LRCH3: variants seen among roughly 807,000 people sequenced by gnomAD.
LRCH3 encodes DISP complex protein LRCH3.
Under a neutral mutation model 104.5 loss-of-function variants are expected in LRCH3, and 68 were observed. The ratio of observed to expected loss-of-function variants is 0.65; its 90% CI spans 0.54 to 0.80. LRCH3 has a LOEUF of 0.80. LRCH3 is among the 30% of genes least tolerant of loss of function. The pLI, the probability that LRCH3 is intolerant of heterozygous loss-of-function variation, is 0.00. For synonymous variants in LRCH3, 344 were observed against 361.3 expected (o/e 0.95, Z 0.54); for missense variants, 951 against 953.9 (o/e 1.00, Z 0.04).
chr3:197,827,280 G>A (rs539020402), intron 5 of LRCH3, among the ~76,000 whole-genome samples: 3 of 151,856 alleles, frequency 2.0e-5, no homozygotes, highest in Admixed American at 1.3e-4. Flanking sequence ...AAACCATAGT[G>A]GAAGCATCAG....
Position 197,830,797 on chromosome 3 carries a change from T to A in LRCH3, c.915T>A (p.Pro305=). ...ATGAAGAACTGTACTCAAGTCGCCC[T>A]TATGGAGCCCTTGATTCAGGCTTCA... The part of the protein sequence containing the change: ...SCHEELYSSR[P]YGALDSGFNS... The change falls in exon 7 of 21, where the codon CCT becomes CCA. Residue 305 remains proline (P), a synonymous_variant. Transcript: ENST00000425562. 1 of 1,614,020 alleles carries A rather than the reference T, an allele frequency of 6.2e-7. No homozygotes were observed. Among genetic ancestry groups the A allele is most frequent in the Non-Finnish European group, 8.5e-7 (1 of 1,179,904 alleles).
chr3:197,850,953 A>T, intron 12 of LRCH3: 1 of 791,352 alleles, frequency 1.3e-6, no homozygotes, highest in Non-Finnish European at 2.3e-6. Context: ...ATAGCGAACC[A>T]TTTTTCACAG....
chr3:197,825,655 A>G (rs1329635438), intron 4 of LRCH3, among the ~76,000 whole-genome samples: 2 of 150,108 alleles, frequency 1.3e-5, no homozygotes, highest in Admixed American at 6.6e-5. Flanking sequence ...AATTTTTTGT[A>G]TTTTTAGTAG....
intron 20 of LRCH3, among the ~76,000 whole-genome samples, chr3:197,876,765 A>G (rs925506770): frequency 1.3e-5 from 2 of 152,046 alleles, no homozygotes; most frequent in Non-Finnish European, 2.9e-5. Flanking sequence ...CAGCTCCACC[A>G]TTGCTCTCAG....
intron 1 of LRCH3, among the ~76,000 whole-genome samples, chr3:197,813,180 C>G (rs1009402766): frequency 6.6e-6 from 1 of 152,154 alleles, no homozygotes; most frequent in African/African-American, 2.4e-5. Context: ...ATAATCACAT[C>G]AGGGTAAATG....
At chr3:197,803,737 T>C (rs1017825947) in intron 1 of LRCH3, among the ~76,000 whole-genome samples, 2 of 152,188 alleles carry the variant, frequency 1.3e-5, no homozygotes, top group Non-Finnish European at 2.9e-5. Context: ...TCTGGTTCTA[T>C]GGCATGCCAT....
intron 12 of LRCH3, chr3:197,850,905 G>C: frequency 1.2e-6 from 1 of 842,358 alleles, no homozygotes; most frequent in South Asian, 1.3e-5. Flanking sequence ...GGAACCTCTT[G>C]ATTTGCATGA....
chr3:197,840,174 A>G lies in LRCH3; in HGVS notation c.1328+777A>G, dbSNP rs183676402. Among the ~76,000 whole-genome samples the G allele has an allele frequency of 1.3e-4, 20 of 152,222 alleles. 1 individual carries two copies. Among genetic ancestry groups the G allele is most frequent in the Admixed American group, 1.3e-3 (20 of 15,288 alleles). On this transcript the variant is annotated intron_variant, in intron 10 of 20. Coordinates refer to ENST00000425562, the MANE Select transcript of LRCH3 (RefSeq NM_001365715.1). The stretch of plus-strand genomic sequence containing the variant: ...AAAATTAGGCCCTGTGCGGTGGCTC[A>G]TATCTGTAATGCCAGCACTTTGGGA...
intron 1 of LRCH3, among the ~76,000 whole-genome samples, chr3:197,808,889 G>A (rs776998877): frequency 1.5e-4 from 16 of 109,678 alleles, no homozygotes; most frequent in Non-Finnish European, 3.0e-4. Context: ...GGGTGACAGT[G>A]AGACTGTCTC....
chr3:197,861,975 A>G (rs994049970), intron 15 of LRCH3, among the ~76,000 whole-genome samples: 2 of 152,010 alleles, frequency 1.3e-5, no homozygotes, highest in Non-Finnish European at 2.9e-5. Flanking sequence ...CCAGTAGTAT[A>G]TTATCTGTTG....
intron 17 of LRCH3, among the ~76,000 whole-genome samples, chr3:197,866,747 ACT>A (rs767139404): frequency 1.2e-4 from 19 of 152,164 alleles, no homozygotes; most frequent in Non-Finnish European, 2.8e-4. Context: ...TGAGCCCAGG[ACT>A]TCAGGGTTAC....
At chr3:197,858,752 T>A in intron 14 of LRCH3, 82 bp from the exon 15 acceptor site, 1 of 1,106,482 alleles carries the variant, frequency 9.0e-7, no homozygotes, top group Non-Finnish European at 1.4e-6. Flanking sequence ...CTTTTCTCAT[T>A]TCACTAGTCA....
intron 5 of LRCH3, among the ~76,000 whole-genome samples, chr3:197,828,210 A>G (rs961327644): frequency 1.3e-5 from 2 of 152,154 alleles, no homozygotes; most frequent in Non-Finnish European, 2.9e-5. Context: ...CCTACTTTAG[A>G]CAGTTTGGTC....
intron 1 of LRCH3, among the ~76,000 whole-genome samples, chr3:197,801,003 GA>G (rs1731826347): frequency 6.6e-6 from 1 of 151,730 alleles, no homozygotes; most frequent in Non-Finnish European, 1.5e-5. Context: ...GCTGAGGCAG[GA>G]GAATCGCTTG....
intron 1 of LRCH3, among the ~76,000 whole-genome samples, chr3:197,797,099 G>A (rs1341167345): frequency 6.6e-6 from 1 of 151,298 alleles, no homozygotes; most frequent in Non-Finnish European, 1.5e-5. Context: ...GGGCCGAGGC[G>A]GGCAGATCAC....
chr3:197,850,818 T>A, intron 12 of LRCH3: 2 of 1,138,012 alleles, frequency 1.8e-6, no homozygotes, highest in Non-Finnish European at 2.7e-6. Context: ...TTTCAGATAC[T>A]TCGTGGCTTT....
Position 197,835,496 on chromosome 3 carries a change from G to GT in LRCH3, c.1103-177dup, listed in dbSNP as rs764657863. The stretch of plus-strand genomic sequence containing the variant: ...GCCACCAACCTTGGACATAAAATGG[G>GT]TAAAAAAAAAAAAAAAAAAAAAGAC... On this transcript the variant is annotated intron_variant, in intron 8 of 20. Transcript: ENST00000425562. 1.6e-3 allele frequency among the ~76,000 whole-genome samples: 91 copies of GT among 57,286 alleles called. 2 individuals carry two copies. The highest frequency in any genetic ancestry group is 2.0e-3 in the African/African-American group (37 of 18,228). The allele number at this position is 57,286 out of a possible 152,430, so 37.6% of individuals were successfully genotyped here.
intron 9 of LRCH3, 115 bp downstream of exon 9, chr3:197,835,937 T>C: frequency 8.7e-7 from 1 of 1,148,858 alleles, no homozygotes; most frequent in Non-Finnish European, 1.2e-6. Flanking sequence ...TTGTTTTCAT[T>C]ATGTTCACTT....
At position 197,870,163 on chromosome 3, in the gene LRCH3, A is replaced by G. The variant is rs1408982125; in HGVS notation, c.1877A>G (p.His626Arg). 1.9e-6 allele frequency: 3 copies of G among 1,612,628 alleles called. No individual in the cohort carries two copies. Among genetic ancestry groups the G allele is most frequent in the Non-Finnish European group, 8.5e-7 (1 of 1,178,886 alleles). ...AGVRAETNKG[H>R]ASPLPPSAAP... ...TTACATATTAATATTTTTATAGGTC[A>G]TGCTTCACCCCTTCCTCCATCTGCT... The change falls in exon 18 of 21, where the codon CAT (histidine) becomes CGT (arginine). Residue 626 changes from histidine to arginine, a missense_variant. Transcript: ENST00000425562.
Sources: allele counts gnomAD v4.1 joint callset (sites outside exome capture counted in the v4.1 genomes callset), GRCh38; gene constraint gnomAD v4.1.1; transcripts MANE v1.5; gene names NCBI Gene and HGNC (gene_info 2026-07-23, HGNC 2026-07-21).